The following COG3 variants were observed in gnomAD, a reference collection of about 807,000 sequenced individuals.
COG3 encodes component of oligomeric golgi complex 3.
A neutral mutation model predicts 114.1 loss-of-function variants in COG3; 32 were observed. The observed-to-expected ratio is 0.28, with a 90% CI of 0.21 to 0.38. The LOEUF (loss-of-function observed/expected upper bound fraction) is 0.38, where lower values mean the gene tolerates loss of function less well. COG3 is among the 10% of genes least tolerant of loss of function. The pLI, the probability that COG3 is intolerant of heterozygous loss-of-function variation, is 1.00. For missense variants in COG3, 813 were observed against 973.2 expected (o/e 0.84, Z 2.19); for synonymous variants, 352 against 365.7 (o/e 0.96, Z 0.43).
At chr13:45,481,944 C>G (rs1566245136) in intron 5 of COG3, among the ~76,000 whole-genome samples, 1 of 152,042 alleles carries the variant, frequency 6.6e-6, no homozygotes, top group Admixed American at 6.5e-5. Context: ...AAATGATTGA[C>G]TGGTTGCATT....
At position 45,491,448 on chromosome 13, in the gene COG3, C is replaced by A; in HGVS notation, c.1005C>A (p.Tyr335Ter). Residue 335 changes from tyrosine to a stop codon, truncating the protein, a stop_gained, in exon 10 of 23, where the codon TAC (tyrosine) becomes TAA (stop). Transcript: ENST00000349995. LOFTEE classifies it high-confidence loss of function. ...TGCTAAATGATATCCACCAGTGTTA[C>A]CTTGATCAGCGGGAGCTCCTTTTGG... is the stretch of plus-strand genomic sequence containing the variant. The part of the protein sequence containing the change: ...QQLLNDIHQC[Y>*]LDQRELLLGP... The A allele has an allele frequency of 1.2e-6, 2 of 1,613,484 alleles. No individual in the cohort carries two copies. Among genetic ancestry groups the A allele is most frequent in the Non-Finnish European group, 1.7e-6 (2 of 1,179,690 alleles).
chr13:45,473,383 G>T (rs991448356), intron 1 of COG3, among the ~76,000 whole-genome samples: 5 of 151,998 alleles, frequency 3.3e-5, no homozygotes, highest in African/African-American at 1.2e-4. Context: ...ATTTCTTTCA[G>T]CTTTCTTCAT....
intron 1 of COG3, among the ~76,000 whole-genome samples, chr13:45,474,151 C>T (rs1398009369): frequency 4.9e-5 from 4 of 81,986 alleles, no homozygotes; most frequent in African/African-American, 5.0e-5. Flanking sequence ...CTTTTTTACT[C>T]TTTTTTTTTT....
intron 16 of COG3, among the ~76,000 whole-genome samples, chr13:45,514,839 G>C (rs1474330600): frequency 6.6e-6 from 1 of 151,912 alleles, no homozygotes; most frequent in African/African-American, 2.4e-5. Context: ...GTAGAGACGG[G>C]GTTTCACCAT....
Position 45,535,885 on chromosome 13 carries a change from G to T in COG3, c.*1154G>T, listed in dbSNP as rs1566278864. The T allele has an allele frequency of 2.4e-5, 24 of 987,440 alleles. No homozygotes were observed. Among genetic ancestry groups the T allele is most frequent in the East Asian group, 1.1e-4 (1 of 8,824 alleles). The allele number at this position is 987,440 out of a possible 1,614,324, so 61.2% of individuals were successfully genotyped here. A position where few individuals can be genotyped will look rare whatever the true frequency, so the allele number is the denominator to read the frequency against. On this transcript the variant is annotated 3_prime_UTR_variant, in exon 23 of 23. Transcript: ENST00000349995. The stretch of plus-strand genomic sequence containing the variant: ...GGCAGCCAGCTTCTTAGTTCAAAAA[G>T]AATTCTGAGTTTTTCAAACACTAGT...
intron 19 of COG3, among the ~76,000 whole-genome samples, chr13:45,520,520 T>C (rs1593745156): frequency 1.3e-5 from 2 of 152,206 alleles, no homozygotes; most frequent in East Asian, 3.8e-4. Flanking sequence ...TAGAAACTTC[T>C]TGTTGGATCC....
chr13:45,525,634 GTTTTT>G (rs59577529), intron 20 of COG3, among the ~76,000 whole-genome samples: 6 of 56,646 alleles, frequency 1.1e-4, no homozygotes, highest in Admixed American at 2.8e-4. Flanking sequence ...AGGGCTTTGG[GTTTTT>G]TTTTTTTTTT....
chr13:45,476,111 T>C, intron 1 of COG3, 90 bp from the exon 2 acceptor site: 1 of 1,237,658 alleles, frequency 8.1e-7, no homozygotes, highest in Admixed American at 1.9e-5. Context: ...TCTTTCTCTT[T>C]CAAAACAACT....
chr13:45,524,984 G>C lies in COG3; in HGVS notation c.2163G>C (p.Ala721=), dbSNP rs754151089. 5 of 1,613,558 alleles carry C rather than the reference G, an allele frequency of 3.1e-6. No individual in the cohort carries two copies. The highest frequency in any genetic ancestry group is 2.2e-5 in the East Asian group (1 of 44,866). ...TTTGTCTCCTCTATTAGGTTTCAGC[G>C]TTAAAAACAATGGCCAGTCAGGGAG... ...QLEEFMTKVS[A]LKTMASQGGP... The change falls in exon 20 of 23, where the codon GCG becomes GCC. Residue 721 remains alanine, a synonymous_variant. Coordinates refer to ENST00000349995, the MANE Select transcript of COG3 (RefSeq NM_031431.4).
chr13:45,486,597 G>C (rs1886685694), intron 8 of COG3, 22 bp downstream of exon 8: 7 of 1,419,276 alleles, frequency 4.9e-6, no homozygotes, highest in Non-Finnish European at 7.0e-6. Context: ...GACATAACTA[G>C]GACATTGCTA....
chr13:45,472,142 C>T (rs995286358), intron 1 of COG3, among the ~76,000 whole-genome samples: 5 of 152,112 alleles, frequency 3.3e-5, no homozygotes, highest in Non-Finnish European at 5.9e-5. Context: ...TTAAAGATGT[C>T]GCTCTATTGT....
chr13:45,478,152 GTTT>G, intron 2 of COG3, among the ~76,000 whole-genome samples: 1 of 150,118 alleles, frequency 6.7e-6, no homozygotes, highest in East Asian at 2.0e-4. Flanking sequence ...AAAATGGTCA[GTTT>G]TTTGTTTGTT....
chr13:45,510,967 A>T (rs1202442832), intron 15 of COG3, among the ~76,000 whole-genome samples: 2 of 152,198 alleles, frequency 1.3e-5, no homozygotes, highest in Non-Finnish European at 2.9e-5. Context: ...AGAGAATAAC[A>T]TCAAGTTGGA....
chr13:45,488,438 T>C (rs778737451), intron 8 of COG3, among the ~76,000 whole-genome samples: 11 of 152,212 alleles, frequency 7.2e-5, no homozygotes, highest in Non-Finnish European at 1.5e-4. Context: ...AACACTCTGA[T>C]TTGATCATAA....
intron 14 of COG3, among the ~76,000 whole-genome samples, chr13:45,506,397 G>T (rs1870149278): frequency 6.6e-6 from 1 of 152,102 alleles, no homozygotes; most frequent in Non-Finnish European, 1.5e-5. Context: ...AGGAGGAGGG[G>T]TTGGCAGTGT....
intron 2 of COG3, among the ~76,000 whole-genome samples, chr13:45,478,100 T>C (rs1032913762): frequency 1.3e-5 from 2 of 152,246 alleles, no homozygotes; most frequent in Admixed American, 1.3e-4. Flanking sequence ...TATTCATTTT[T>C]TACCTATTGT....
chr13:45,497,312 T>G (rs1466437211), intron 13 of COG3, among the ~76,000 whole-genome samples: 1 of 152,208 alleles, frequency 6.6e-6, no homozygotes, highest in East Asian at 1.9e-4. Context: ...AAGATATTAG[T>G]GCTGAAACAG....
chr13:45,490,794 A>G (rs1380131932), intron 8 of COG3, 121 bp from the exon 9 acceptor site: 1 of 485,888 alleles, frequency 2.1e-6, no homozygotes, highest in South Asian at 5.6e-5. Context: ...GATTTTTATG[A>G]TTTTTAACTT....
At chr13:45,533,848 G>A (rs1011996768) in intron 22 of COG3, among the ~76,000 whole-genome samples, 1 of 152,182 alleles carries the variant, frequency 6.6e-6, no homozygotes, top group African/African-American at 2.4e-5. Context: ...TTTAGGCTTT[G>A]TACTTTGGCA....
Sources: allele counts gnomAD v4.1 joint callset (sites outside exome capture counted in the v4.1 genomes callset), GRCh38; gene constraint gnomAD v4.1.1; transcripts MANE v1.5; gene names NCBI Gene and HGNC (gene_info 2026-07-23, HGNC 2026-07-21).